Variants in VAX2 observed in about 807,000 individuals in gnomAD.
VAX2 encodes ventral anterior homeobox 2.
A neutral mutation model predicts 12.5 loss-of-function variants in VAX2; 8 were observed. That is an observed-to-expected ratio of 0.64 (90% CI 0.37 to 1.15). The LOEUF is 1.15. Ranked by LOEUF, VAX2 falls within the 50% of genes most tolerant of loss-of-function variation. The probability of loss-of-function intolerance (pLI) is 0.01; values close to 1 mark genes in which losing one functional copy is unlikely to be tolerated. For synonymous variants in VAX2, 183 were observed against 187.6 expected (o/e 0.98, Z 0.20); for missense variants, 476 against 412.9 (o/e 1.15, Z -1.32).
intron 2 of VAX2, among the ~76,000 whole-genome samples, chr2:70,929,473 G>T (rs1300370746): frequency 3.0e-5 from 4 of 133,788 alleles, no homozygotes; most frequent in Non-Finnish European, 6.4e-5. Context: ...CAGATCACGA[G>T]GTCAGGAGTT....
intron 1 of VAX2, among the ~76,000 whole-genome samples, chr2:70,920,235 G>A (rs182767337): frequency 3.6e-4 from 55 of 152,296 alleles, no homozygotes; most frequent in Admixed American, 1.6e-3. Context: ...AATATAAAAT[G>A]TTCTAATAAC....
chr2:70,913,053 G>A (rs1679224536), intron 1 of VAX2, among the ~76,000 whole-genome samples: 1 of 152,170 alleles, frequency 6.6e-6, no homozygotes, highest in African/African-American at 2.4e-5. Context: ...CAAAAAAAGA[G>A]GACTATTTTA....
In VAX2 at chr2:70,900,797, A is replaced by G; in HGVS notation, c.176A>G (p.Glu59Gly). Reference sequence around the variant, plus strand: ...GCCTCCAGTCCCGCAGGCTCCAGGGAGAGTGGAGCCGACAGCGACGGGCAG... The same window carrying G: ...GCCTCCAGTCCCGCAGGCTCCAGGGGGAGTGGAGCCGACAGCGACGGGCAG... ...TSASSPAGSR[E>G]SGADSDGQPG... is the part of the protein sequence containing the mutation. Residue 59 changes from glutamate (E) to glycine (G), a missense_variant, in exon 1 of 3, where the codon GAG becomes GGG. Physicochemically the swap from Glu to Gly is moderately conservative, Grantham distance 98 (BLOSUM62 -2). Coordinates refer to ENST00000234392, the MANE Select transcript of VAX2 (RefSeq NM_012476.3). The G allele has an allele frequency of 6.7e-7, 1 of 1,495,042 alleles. No homozygotes were observed. The highest frequency in any genetic ancestry group is 8.9e-7 in the Non-Finnish European group (1 of 1,122,158). 92.6% of individuals were successfully genotyped at this position (1,495,042 alleles called of 1,614,324 possible). A position where few individuals can be genotyped will look rare whatever the true frequency, so the allele number is the denominator to read the frequency against.
At chr2:70,906,465 A>G (rs964998035) in intron 1 of VAX2, among the ~76,000 whole-genome samples, 2 of 138,648 alleles carry the variant, frequency 1.4e-5, no homozygotes, top group African/African-American at 2.8e-5. Context: ...TCCTTGAACC[A>G]TCTCCCCCGT....
chr2:70,914,804 T>A (rs1021705499), intron 1 of VAX2, among the ~76,000 whole-genome samples: 6 of 45,304 alleles, frequency 1.3e-4, no homozygotes, highest in Non-Finnish European at 2.2e-4. Context: ...TTTACTTAAA[T>A]TTTTTTTTTT....
In VAX2 at chr2:70,933,360, T is replaced by G. The variant is rs573763876; in HGVS notation, c.*156T>G. The G allele has an allele frequency of 1.5e-6, 1 of 648,088 alleles. No individual in the cohort carries two copies. Among genetic ancestry groups the G allele is most frequent in the East Asian group, 3.3e-5 (1 of 30,058 alleles). The allele number at this position is 648,088 out of a possible 1,614,324, so 40.1% of individuals were successfully genotyped here. A position where few individuals can be genotyped will look rare whatever the true frequency, so the allele number is the denominator to read the frequency against. ...CTCAGAGACTCGTGACCAAATGGCC[T>G]TGGTCCCGCAGCTTGTGTGCGTGAG... is the stretch of plus-strand genomic sequence containing the variant. On this transcript the variant is annotated 3_prime_UTR_variant, in exon 3 of 3. Coordinates refer to ENST00000234392, the MANE Select transcript of VAX2 (RefSeq NM_012476.3).
At chr2:70,928,631 C>T (rs925638139) in intron 2 of VAX2, among the ~76,000 whole-genome samples, 17 of 152,166 alleles carry the variant, frequency 1.1e-4, no homozygotes, top group African/African-American at 3.9e-4. Flanking sequence ...CTTGTAAATG[C>T]CTGGTCATTC....
chr2:70,913,711 A>G (rs1355438215), intron 1 of VAX2, among the ~76,000 whole-genome samples: 1 of 127,582 alleles, frequency 7.8e-6, no homozygotes, highest in South Asian at 2.5e-4. Context: ...AAATAAATAA[A>G]TAAATAAATA....
At chr2:70,914,625 G>A (rs940670560) in intron 1 of VAX2, among the ~76,000 whole-genome samples, 1 of 151,896 alleles carries the variant, frequency 6.6e-6, no homozygotes, top group Non-Finnish European at 1.5e-5. Flanking sequence ...ACTTGTTAAT[G>A]TCCTTTCAAC....
At chr2:70,929,110 G>C (rs1001087662) in intron 2 of VAX2, among the ~76,000 whole-genome samples, 2 of 152,208 alleles carry the variant, frequency 1.3e-5, no homozygotes, top group African/African-American at 2.4e-5. Flanking sequence ...TCAGATTCCA[G>C]AGGTGACAAA....
chr2:70,911,574 C>A (rs1553411244), intron 1 of VAX2, among the ~76,000 whole-genome samples: 1 of 152,196 alleles, frequency 6.6e-6, no homozygotes, highest in Non-Finnish European at 1.5e-5. Flanking sequence ...CTTGAGAGAA[C>A]CTAATTCTAC....
Position 70,933,078 on chromosome 2 carries a change from C to G in VAX2, c.747C>G (p.Cys249Trp), listed in dbSNP as rs1389215963. The G allele has an allele frequency of 2.5e-6, 4 of 1,609,540 alleles. No homozygotes were observed. Among genetic ancestry groups the G allele is most frequent in the Non-Finnish European group, 3.4e-6 (4 of 1,178,224 alleles). ...PPLPPPLPAV[C>W]FSSAPLLDLP... ...TGCCGCCCCCTCTGCCAGCTGTCTGCTTTTCCTCGGCCCCGCTCCTGGATC... is the reference window on the plus strand; with the variant it reads ...TGCCGCCCCCTCTGCCAGCTGTCTGGTTTTCCTCGGCCCCGCTCCTGGATC... Residue 249 changes from cysteine to tryptophan, a missense_variant, in exon 3 of 3, where the codon TGC (cysteine) becomes TGG (tryptophan). By Grantham distance (215) the Cys-to-Trp change is radical. Transcript: ENST00000234392.
In VAX2 at chr2:70,904,334, C is replaced by T. The variant is rs1337139183; in HGVS notation, c.247+3466C>T. 2.0e-5 allele frequency among the ~76,000 whole-genome samples: 3 copies of T among 152,232 alleles called. No homozygotes were observed. The highest frequency in any genetic ancestry group is 2.1e-4 in the South Asian group (1 of 4,830). On this transcript the variant is annotated intron_variant, in intron 1 of 2. Coordinates refer to ENST00000234392, the MANE Select transcript of VAX2 (RefSeq NM_012476.3). The surrounding 1 kb of genome is among the most constrained non-coding windows in gnomAD (Gnocchi z 4.2). ...CCGAGCACCAGGCTTTTCGGTGGAG[C>T]TGGGATACCAGCAGGCAGAAGAGGT...
chr2:70,908,541 A>G (rs1679113867), intron 1 of VAX2, among the ~76,000 whole-genome samples: 1 of 152,186 alleles, frequency 6.6e-6, no homozygotes, highest in Admixed American at 6.5e-5. Context: ...ATCATAATGT[A>G]TATCATATAA....
chr2:70,932,664 T>A, intron 2 of VAX2, 103 bp from the exon 3 acceptor site: 4 of 39,884 alleles, frequency 1.0e-4, no homozygotes, highest in Admixed American at 3.6e-4. Flanking sequence ...ATCCACCACC[T>A]GCCCCAACCC....
chr2:70,914,850 G>A (rs1476448541), intron 1 of VAX2, among the ~76,000 whole-genome samples: 1 of 148,108 alleles, frequency 6.8e-6, no homozygotes, highest in African/African-American at 2.5e-5. Context: ...TTGCCAGGCT[G>A]GAGTGCAACG....
intron 2 of VAX2, among the ~76,000 whole-genome samples, chr2:70,927,808 C>T (rs1300691066): frequency 3.3e-5 from 5 of 151,700 alleles, no homozygotes; most frequent in African/African-American, 1.2e-4. Context: ...CAAGAGATCG[C>T]GGAGGGGGGC....
In VAX2 at chr2:70,932,901, G is replaced by C. The variant is rs782191219; in HGVS notation, c.570G>C (p.Arg190=). The C allele has an allele frequency of 6.2e-7, 1 of 1,613,300 alleles. No individual in the cohort carries two copies. Among genetic ancestry groups the C allele is most frequent in the East Asian group, 2.2e-5 (1 of 44,830 alleles). ...TTCTGCGGCTGCTGGAGCAGGGCCGGCTGCTCTCTGTGCCCAGGGCCCCTA... is the reference window on the plus strand; with the variant it reads ...TTCTGCGGCTGCTGGAGCAGGGCCGCCTGCTCTCTGTGCCCAGGGCCCCTA... ...SNILRLLEQG[R]LLSVPRAPSL... is the part of the protein sequence containing the mutation. Residue 190 remains arginine, a synonymous_variant, in exon 3 of 3, where the codon CGG becomes CGC. Transcript: ENST00000234392.
chr2:70,909,277 C>G (rs1297607362), intron 1 of VAX2, among the ~76,000 whole-genome samples: 1 of 152,090 alleles, frequency 6.6e-6, no homozygotes, highest in Non-Finnish European at 1.5e-5. Context: ...GCAGTCCCCC[C>G]ACCTCAGCCT....
Sources: gnomAD v4.1 joint callset for allele counts (sites outside exome capture counted in the v4.1 genomes callset) on GRCh38, gnomAD v4.1.1 for gene constraint, Gnocchi (gnomAD v3.1) non-coding constraint, MANE v1.5 for transcripts, NCBI Gene and HGNC (gene_info 2026-07-23, HGNC 2026-07-21) for gene names.